The following EMID1 variants were observed in gnomAD, a reference collection of about 807,000 sequenced individuals.
EMID1 encodes EMI domain containing 1.
Under a neutral mutation model 60.6 loss-of-function variants are expected in EMID1, and 40 were observed. The ratio of observed to expected loss-of-function variants is 0.66; its 90% CI spans 0.51 to 0.86. The LOEUF (loss-of-function observed/expected upper bound fraction) is 0.86. Ranked by LOEUF, EMID1 falls within the 40% of genes least tolerant of loss-of-function variation. The pLI is 0.00. For missense variants in EMID1, 585 were observed against 597.1 expected, an observed-to-expected ratio of 0.98 and a Z score of 0.21; for synonymous variants, 242 against 231.0, an observed-to-expected ratio of 1.05 and a Z score of -0.43.
rs573961947 is a variant in EMID1, at chr22:29,232,304, C to T, written c.725C>T (p.Thr242Ile). The part of the protein sequence containing the change: ...GSPGRAGAVG[T>I]PGERGPPGPP... ...CCTGGCCGGGCTGGAGCTGTGGGCA[C>T]CCCTGGAGAGAGGGGACCTCCTGGG... Residue 242 changes from threonine to isoleucine, a missense_variant, in exon 8 of 15, where the codon ACC becomes ATC. Coordinates refer to ENST00000334018, the MANE Select transcript of EMID1 (RefSeq NM_133455.4). 146 of 1,611,230 alleles carry T rather than the reference C, an allele frequency of 9.1e-5. No homozygotes were observed. The South Asian group carries it at 9.3e-4, about 10-fold the overall frequency.
chr22:29,227,725 A>AC (rs1348679551), intron 5 of EMID1, among the ~76,000 whole-genome samples: 4,231 of 135,810 alleles, frequency 0.031, 192 homozygotes, highest in African/African-American at 0.074. Flanking sequence ...AAAAAAAAAA[A>AC]AACAAATTAG....
At chr22:29,254,141 G>A (rs962936576) in intron 13 of EMID1, 62 bp from the exon 14 acceptor site, 25 of 1,609,146 alleles carry the variant, frequency 1.6e-5, no homozygotes, top group South Asian at 8.8e-5. Flanking sequence ...GGCCACCGAC[G>A]GGCTTTGCAG....
rs866828473 is a variant in EMID1 at position 29,253,606 on chromosome 22, G to A, written c.1120-597G>A. ...TCAAAAAAAAATGTACTTTTGACTT[G>A]TGATATTTTCAACTTACACTGGGTT... On this transcript the variant is annotated intron_variant, in intron 13 of 14. Coordinates refer to ENST00000334018, the MANE Select transcript of EMID1 (RefSeq NM_133455.4). Among the ~76,000 whole-genome samples, 4 of 152,238 alleles carry A rather than the reference G, an allele frequency of 2.6e-5. No homozygotes were observed. In the Middle Eastern group the frequency reaches 0.014, roughly 518 times the overall value.
intron 1 of EMID1, among the ~76,000 whole-genome samples, chr22:29,209,322 G>A (rs1377909741): frequency 6.6e-6 from 1 of 152,132 alleles, no homozygotes; most frequent in African/African-American, 2.4e-5. Context: ...GAGGTGCTGA[G>A]TGGGCAGAAG....
rs745681275 is a variant in EMID1, at chr22:29,225,229, A to G, written c.403+13A>G. ...ACAGCCTTCTCAGGTGGGTCCTGGG[A>G]TAGCTTCTTGAGGTCCCCCTGGGCT... On this transcript the variant is annotated intron_variant, in intron 4 of 14. Transcript: ENST00000334018. The G allele has an allele frequency of 6.2e-7, 1 of 1,612,812 alleles. No homozygotes were observed. Among genetic ancestry groups the G allele is most frequent in the Non-Finnish European group, 8.5e-7 (1 of 1,179,674 alleles).
intron 1 of EMID1, among the ~76,000 whole-genome samples, chr22:29,213,150 G>C (rs2039956602): frequency 2.0e-5 from 3 of 152,282 alleles, no homozygotes; most frequent in Admixed American, 2.0e-4. Context: ...TATATCCATT[G>C]GTCTTTGTCT....
chr22:29,249,211 C>T (rs1386050584), intron 13 of EMID1, among the ~76,000 whole-genome samples: 1 of 152,040 alleles, frequency 6.6e-6, no homozygotes, highest in Non-Finnish European at 1.5e-5. Flanking sequence ...GTAAATGTTA[C>T]CAGTTGTCCC....
intron 1 of EMID1, among the ~76,000 whole-genome samples, chr22:29,211,436 CTA>C (rs542472298): frequency 1.3e-3 from 193 of 152,108 alleles, no homozygotes; most frequent in African/African-American, 4.2e-3. Context: ...GTACATATGC[CTA>C]TGTGTGTGTG....
chr22:29,226,676 C>A, intron 5 of EMID1, 125 bp downstream of exon 5: 3 of 910,996 alleles, frequency 3.3e-6, no homozygotes, highest in Non-Finnish European at 4.7e-6. Context: ...ACCCACAGGG[C>A]AGCTCTGAAC....
Position 29,258,831 on chromosome 22 carries a change from T to G in EMID1, c.1219T>G (p.Ser407Ala). The change falls in exon 15 of 15, where the codon TCT becomes GCT. Residue 407 changes from serine to alanine, a missense_variant. Ser to Ala is a moderately conservative substitution (Grantham distance 99, BLOSUM62 1). Transcript: ENST00000334018. ...CCCTCCGGCAGAACCAGAGCTGGGGTCTGGGGCGGGCCCTGCCGGCACAGG... is the reference window on the plus strand; with the variant it reads ...CCCTCCGGCAGAACCAGAGCTGGGGGCTGGGGCGGGCCCTGCCGGCACAGG... ...MIGLYEPELG[S>A]GAGPAGTGTP... 2.5e-6 allele frequency: 4 copies of G among 1,612,900 alleles called. No homozygotes were observed. Among genetic ancestry groups the G allele is most frequent in the Non-Finnish European group, 3.4e-6 (4 of 1,179,716 alleles).
At chr22:29,254,177 G>C (rs1224438475) in intron 13 of EMID1, 26 bp from the exon 14 acceptor site, 1 of 1,613,616 alleles carries the variant, frequency 6.2e-7, no homozygotes, top group Admixed American at 1.7e-5. Flanking sequence ...CCCCTTCACG[G>C]CTGCATCTGT....
rs1160830723 is a variant in EMID1 at position 29,259,534 on chromosome 22, T to C, written c.*590T>C. On this transcript the variant is annotated 3_prime_UTR_variant, in exon 15 of 15. Transcript: ENST00000334018. ...AGGGGCCGCCTACTCCTGCAAATGC[T>C]TGTGACAGATGCCAGGAGGTAGATG... The C allele has an allele frequency of 1.2e-5, 2 of 166,902 alleles. No homozygotes were observed. The highest frequency in any genetic ancestry group is 2.6e-5 in the Non-Finnish European group (2 of 78,002). 10.3% of individuals were successfully genotyped at this position (166,902 alleles called of 1,614,324 possible).
intron 12 of EMID1, among the ~76,000 whole-genome samples, chr22:29,242,619 A>C (rs974853610): frequency 6.6e-6 from 1 of 152,038 alleles, no homozygotes; most frequent in African/African-American, 2.4e-5. Flanking sequence ...TGTTGAAAAG[A>C]CTCTAAATTC....
At chr22:29,215,082 G>A in intron 2 of EMID1, 43 bp downstream of exon 2, 1 of 1,497,938 alleles carries the variant, frequency 6.7e-7, no homozygotes, top group South Asian at 1.3e-5. Context: ...CCAGGTGGAG[G>A]CACAGTTTGG....
chr22:29,250,539 G>C (rs557653616), intron 13 of EMID1, among the ~76,000 whole-genome samples: 1 of 150,788 alleles, frequency 6.6e-6, no homozygotes, highest in African/African-American at 2.4e-5. Context: ...GCCAGGAATG[G>C]CTTCATGGAA....
intron 13 of EMID1, among the ~76,000 whole-genome samples, chr22:29,246,959 A>G (rs989184993): frequency 4.7e-5 from 7 of 149,832 alleles, no homozygotes; most frequent in African/African-American, 1.2e-4. Context: ...GGCCTCCCCA[A>G]TATTTTTGTT....
At chr22:29,247,839 C>T (rs572276008) in intron 13 of EMID1, among the ~76,000 whole-genome samples, 150 of 151,900 alleles carry the variant, frequency 9.9e-4, no homozygotes, top group African/African-American at 3.4e-3. Flanking sequence ...CCATGTTGGC[C>T]AGGCTGGTCT....
At chr22:29,208,324 C>T (rs1287023737) in intron 1 of EMID1, among the ~76,000 whole-genome samples, 2 of 152,174 alleles carry the variant, frequency 1.3e-5, no homozygotes, top group Admixed American at 1.3e-4. Flanking sequence ...AGGGGGCCGC[C>T]CCTTGCCCCA....
chr22:29,228,196 A>G (rs1251549302), intron 5 of EMID1, among the ~76,000 whole-genome samples: 4 of 149,604 alleles, frequency 2.7e-5, no homozygotes, highest in Admixed American at 2.0e-4. Flanking sequence ...GTGTGGTGGC[A>G]GGTACCTGTA....
Sources: allele counts gnomAD v4.1 joint callset (sites outside exome capture counted in the v4.1 genomes callset), GRCh38; gene constraint gnomAD v4.1.1; transcripts MANE v1.5; gene names NCBI Gene and HGNC (gene_info 2026-07-23, HGNC 2026-07-21).